The following CABIN1 variants were observed in gnomAD, a reference collection of about 807,000 sequenced individuals.
CABIN1 encodes calcineurin binding protein 1.
CABIN1 carries 133 observed loss-of-function variants against 227.7 expected under a neutral mutation model. The ratio of observed to expected loss-of-function variants is 0.58; its 90% CI spans 0.51 to 0.67. The LOEUF is 0.67. CABIN1 is among the 30% of genes least tolerant of loss of function. The probability of loss-of-function intolerance (pLI) is 0.00; values close to 1 mark genes in which losing one functional copy is unlikely to be tolerated. For missense variants in CABIN1, 2,408 were observed against 2,852.5 expected (o/e 0.84, Z 3.55); for synonymous variants, 1,086 against 1,155.1 (o/e 0.94, Z 1.21).
intron 17 of CABIN1, among the ~76,000 whole-genome samples, chr22:24,071,797 C>T (rs2040105996): frequency 6.6e-6 from 1 of 152,172 alleles, no homozygotes; most frequent in African/African-American, 2.4e-5. Flanking sequence ...CCTGTCTCTC[C>T]CCCTGGTCTT....
chr22:24,172,560 C>T (rs1012268522), intron 34 of CABIN1, among the ~76,000 whole-genome samples: 5 of 152,184 alleles, frequency 3.3e-5, no homozygotes, highest in Non-Finnish European at 7.4e-5. Context: ...AGGGGCAGGT[C>T]AGGGGGCTTG....
chr22:24,079,615 G>C (rs1469556474), intron 19 of CABIN1, among the ~76,000 whole-genome samples: 1 of 152,140 alleles, frequency 6.6e-6, no homozygotes, highest in Non-Finnish European at 1.5e-5. Context: ...GTATTTCATT[G>C]TTCTTTAGAT....
chr22:24,066,903 C>G (rs536504736), intron 15 of CABIN1, 84 bp from the exon 16 acceptor site: 20 of 1,314,474 alleles, frequency 1.5e-5, no homozygotes, highest in East Asian at 9.2e-5. Context: ...TCATCCAAGT[C>G]TGATAAAAAC....
At position 24,177,436 on chromosome 22, in the gene CABIN1, G is replaced by A; in HGVS notation, c.6206-68G>A. 7.4e-7 allele frequency: 1 copy of A among 1,347,794 alleles called. No individual in the cohort carries two copies. The highest frequency in any genetic ancestry group is 2.3e-5 in the East Asian group (1 of 42,824). The allele number at this position is 1,347,794 out of a possible 1,614,324, so 83.5% of individuals were successfully genotyped here. On this transcript the variant is annotated intron_variant, in intron 35 of 36. Transcript: ENST00000263119. This position sits in a 1 kb window ranked among gnomAD's most constrained non-coding sequence, Gnocchi z 4.4. ...CCCAGGACCTGGGGGGAGCGGGTGGGGGCGAGATAAAGTGCTCACTGTGTG... is the reference window on the plus strand; with the variant it reads ...CCCAGGACCTGGGGGGAGCGGGTGGAGGCGAGATAAAGTGCTCACTGTGTG...
chr22:24,047,416 A>C lies in CABIN1; in HGVS notation c.527-1675A>C, dbSNP rs751156239. Among the ~76,000 whole-genome samples the C allele has an allele frequency of 5.9e-5, 9 of 152,312 alleles. 1 individual carries two copies. The highest frequency in any genetic ancestry group is 4.1e-4 in the South Asian group (2 of 4,824). On this transcript the variant is annotated intron_variant, in intron 6 of 36. Transcript: ENST00000263119. ...TAATGCAGCTAATGTGCCTACTGAG[A>C]ACCAGCATCATCCAAGTGCTCAGTG...
At chr22:24,063,210 T>G in intron 14 of CABIN1, 64 bp downstream of exon 14, 2 of 1,540,422 alleles carry the variant, frequency 1.3e-6, no homozygotes, top group Non-Finnish European at 1.8e-6. Flanking sequence ...GGCAGAAAAT[T>G]GACCATGTTG....
At chr22:24,038,257 C>G (rs1173563017) in intron 3 of CABIN1, 91 bp from the exon 4 acceptor site, 9 of 986,048 alleles carry the variant, frequency 9.1e-6, no homozygotes, top group Non-Finnish European at 1.5e-5. Flanking sequence ...TGGTTGGTTC[C>G]TCTGACTGTA....
At chr22:24,107,219 G>A (rs1377312023) in intron 26 of CABIN1, among the ~76,000 whole-genome samples, 1 of 152,170 alleles carries the variant, frequency 6.6e-6, no homozygotes, top group Non-Finnish European at 1.5e-5. Flanking sequence ...TGACCTGCAG[G>A]TGGCACCCAA....
intron 28 of CABIN1, among the ~76,000 whole-genome samples, chr22:24,125,431 G>A (rs1468875613): frequency 1.3e-5 from 2 of 152,198 alleles, no homozygotes; most frequent in South Asian, 4.1e-4. Context: ...ACCCGTAGAA[G>A]CCAGGACTAT....
chr22:24,072,895 T>G (rs1391050179), intron 18 of CABIN1, among the ~76,000 whole-genome samples: 1 of 152,226 alleles, frequency 6.6e-6, no homozygotes, highest in South Asian at 2.1e-4. Context: ...GAGCACAGGT[T>G]CCACATCCCA....
At chr22:24,117,501 A>G (rs2043154127) in intron 27 of CABIN1, among the ~76,000 whole-genome samples, 1 of 151,682 alleles carries the variant, frequency 6.6e-6, no homozygotes, top group African/African-American at 2.4e-5. Flanking sequence ...CGCCCAGCCT[A>G]AAACTGGGTT....
At chr22:24,037,307 G>A (rs567234296) in intron 3 of CABIN1, among the ~76,000 whole-genome samples, 1 of 150,088 alleles carries the variant, frequency 6.7e-6, no homozygotes, top group Admixed American at 6.6e-5. Flanking sequence ...ACCAGCTTTT[G>A]TTTGTTTATT....
chr22:24,035,815 A>C (rs2036833554), intron 2 of CABIN1, among the ~76,000 whole-genome samples: 1 of 151,934 alleles, frequency 6.6e-6, no homozygotes. Context: ...GGGTGTCCCC[A>C]GTGTCTGTTG....
chr22:24,144,661 C>G (rs1188364883), intron 29 of CABIN1, among the ~76,000 whole-genome samples: 1 of 152,262 alleles, frequency 6.6e-6, no homozygotes, highest in Non-Finnish European at 1.5e-5. Flanking sequence ...TTTGACTTCC[C>G]TCTTTGGGGC....
intron 29 of CABIN1, among the ~76,000 whole-genome samples, chr22:24,147,646 G>T (rs1444976826): frequency 6.6e-6 from 1 of 151,704 alleles, no homozygotes; most frequent in Admixed American, 6.6e-5. Flanking sequence ...GTCTCATTAT[G>T]TTGCCCAGGA....
intron 8 of CABIN1, among the ~76,000 whole-genome samples, chr22:24,051,638 C>G (rs1040442145): frequency 6.6e-6 from 1 of 152,162 alleles, no homozygotes; most frequent in Non-Finnish European, 1.5e-5. Context: ...CCCCTACCTC[C>G]ACCCCTGTCT....
intron 19 of CABIN1, among the ~76,000 whole-genome samples, chr22:24,076,529 C>T (rs112238939): frequency 0.017 from 2,521 of 152,248 alleles, 57 homozygotes; most frequent in African/African-American, 0.057. Flanking sequence ...AGCTCCGGAG[C>T]TCTTGAACAG....
intron 28 of CABIN1, among the ~76,000 whole-genome samples, chr22:24,131,271 C>G (rs182998935): frequency 2.0e-5 from 3 of 152,358 alleles, no homozygotes; most frequent in African/African-American, 7.2e-5. Context: ...AAGAGGTCTT[C>G]CGGACACTTT....
At chr22:24,175,952 G>C (rs2047080143) in intron 34 of CABIN1, 159 bp from the exon 35 acceptor site, 4 of 844,728 alleles carry the variant, frequency 4.7e-6, no homozygotes, top group Non-Finnish European at 7.7e-6. Flanking sequence ...TTTCTTGGCA[G>C]CACCAACCTG....
Sources: gnomAD v4.1 joint callset for allele counts (sites outside exome capture counted in the v4.1 genomes callset) on GRCh38, gnomAD v4.1.1 for gene constraint, Gnocchi (gnomAD v3.1) non-coding constraint, MANE v1.5 for transcripts, NCBI Gene and HGNC (gene_info 2026-07-23, HGNC 2026-07-21) for gene names.